The following ESR1 variants were observed in gnomAD, a reference collection of about 807,000 sequenced individuals.
ESR1 encodes the protein estrogen receptor 1.
Under a neutral mutation model 52.7 loss-of-function variants are expected in ESR1, and 12 were observed. That is an observed-to-expected ratio of 0.23 (90% CI 0.15 to 0.37). The LOEUF is 0.37. ESR1 is among the 10% of genes least tolerant of loss of function. The pLI is 1.00. For missense variants in ESR1, 584 were observed against 779.7 expected (o/e 0.75, Z 2.99); for synonymous variants, 305 against 316.8 (o/e 0.96, Z 0.39).
intron 6 of ESR1, among the ~76,000 whole-genome samples, chr6:152,091,243 A>G (rs770201968): frequency 3.3e-4 from 50 of 152,356 alleles, no homozygotes; most frequent in Non-Finnish European, 6.9e-4. Flanking sequence ...GGCAGCACAC[A>G]TGGACCACAT....
At chr6:152,016,186 G>A (rs2043156271) in intron 5 of ESR1, among the ~76,000 whole-genome samples, 1 of 152,108 alleles carries the variant, frequency 6.6e-6, no homozygotes, top group Non-Finnish European at 1.5e-5. Context: ...CTTCCGCCAT[G>A]ATTATGAGGC....
At chr6:152,122,286 A>G (rs991872515) in intron 6 of ESR1, 2 of 1,229,670 alleles carry the variant, frequency 1.6e-6, no homozygotes, top group East Asian at 4.7e-5. Flanking sequence ...CTGAAGCCAT[A>G]ATTTGCACAC....
Position 151,739,633 on chromosome 6 carries a change from G to A in ESR1, c.-71+37628G>A, listed in dbSNP as rs538686031. Among the ~76,000 whole-genome samples the A allele has an allele frequency of 1.8e-4, 27 of 152,254 alleles. No homozygotes were observed. The South Asian group carries it at 5.0e-3, about 28-fold the overall frequency. ...CCTTGACTGTCAAATGACAAGCAAG[G>A]GTATGCAGATGATAACCCCGAACCC... On this transcript the variant is annotated intron_variant, in intron 2 of 2. Coordinates refer to the ESR1 transcript ENST00000404742.
At chr6:151,902,206 G>A (rs898664690) in intron 3 of ESR1, among the ~76,000 whole-genome samples, 9 of 152,020 alleles carry the variant, frequency 5.9e-5, no homozygotes, top group Non-Finnish European at 1.5e-5. Context: ...CAAAAAATAG[G>A]ACCAAACTTC....
At chr6:152,062,779 G>A (rs752410825) in intron 6 of ESR1, among the ~76,000 whole-genome samples, 1 of 152,026 alleles carries the variant, frequency 6.6e-6, no homozygotes, top group Non-Finnish European at 1.5e-5. Context: ...TCCCCACCCC[G>A]AACTTTTACT....
intron 4 of ESR1, among the ~76,000 whole-genome samples, chr6:151,946,502 C>A (rs1054249264): frequency 6.6e-6 from 1 of 152,048 alleles, no homozygotes. Flanking sequence ...CACAGGCTAG[C>A]AATAGTTAAA....
chr6:151,781,458 T>C (rs1207954049), intron 2 of ESR1, among the ~76,000 whole-genome samples: 3 of 152,246 alleles, frequency 2.0e-5, no homozygotes, highest in African/African-American at 7.2e-5. Flanking sequence ...ACTGTTACAA[T>C]GGCAATTACA....
At chr6:152,025,055 TC>T (rs113533024) in intron 5 of ESR1, among the ~76,000 whole-genome samples, 59,204 of 151,406 alleles carry the variant, frequency 0.39, 13,738 homozygotes, top group African/African-American at 0.65. Flanking sequence ...ATTTCCTTAT[TC>T]TTGAATATTC....
intron 2 of ESR1, among the ~76,000 whole-genome samples, chr6:151,765,654 A>G (rs185294592): frequency 6.6e-6 from 1 of 152,326 alleles, no homozygotes; most frequent in Non-Finnish European, 1.5e-5. Flanking sequence ...TCCTAAAACT[A>G]CATGGAGGAG....
chr6:152,112,687 ACT>A (rs1450185183), intron 6 of ESR1: 1 of 152,040 alleles, frequency 6.6e-6, no homozygotes, highest in Non-Finnish European at 1.5e-5. Flanking sequence ...CCAGAACGAA[ACT>A]CTGCAGAGGG....
chr6:152,049,750 T>G (rs1047856899), intron 5 of ESR1, among the ~76,000 whole-genome samples: 1 of 152,134 alleles, frequency 6.6e-6, no homozygotes, highest in Non-Finnish European at 1.5e-5. Context: ...AGGGATGTGA[T>G]TAGAGGACCC....
At chr6:152,023,589 A>C (rs887143514) in intron 5 of ESR1, among the ~76,000 whole-genome samples, 3 of 152,240 alleles carry the variant, frequency 2.0e-5, no homozygotes, top group African/African-American at 4.8e-5. Flanking sequence ...TCTAAAAAAC[A>C]GTTCTTTTCT....
At chr6:152,017,007 T>C (rs1310654963) in intron 5 of ESR1, among the ~76,000 whole-genome samples, 1 of 152,144 alleles carries the variant, frequency 6.6e-6, no homozygotes, top group Non-Finnish European at 1.5e-5. Flanking sequence ...CTCTCAAATC[T>C]TTGCAAATCT....
intron 2 of ESR1, among the ~76,000 whole-genome samples, chr6:151,746,290 C>G (rs1224449190): frequency 6.6e-6 from 1 of 152,150 alleles, no homozygotes; most frequent in Non-Finnish European, 1.5e-5. Flanking sequence ...AATTTTTCAA[C>G]TTATCTTCTC....
intron 2 of ESR1, among the ~76,000 whole-genome samples, chr6:151,726,572 G>T (rs909362443): frequency 6.6e-6 from 1 of 152,056 alleles, no homozygotes; most frequent in African/African-American, 2.4e-5. Flanking sequence ...TCCTGATTTC[G>T]TGATCCAACC....
rs1269613753 is a variant in ESR1 at position 151,831,327 on chromosome 6, T to C, written c.453-11270T>C. On this transcript the variant is annotated intron_variant, in intron 1 of 7. Transcript: ENST00000206249. The stretch of plus-strand genomic sequence containing the variant: ...GCTAATGTTTAAATTTTTTGTAGAG[T>C]TGGGGTCTTGCTATGTTGCCCAGGC... 1.1e-4 allele frequency among the ~76,000 whole-genome samples: 17 copies of C among 151,792 alleles called. 1 individual carries two copies. The highest frequency in any genetic ancestry group is 4.4e-5 in the Non-Finnish European group (3 of 67,934).
chr6:151,996,523 C>CCT (rs1192597991), intron 4 of ESR1, among the ~76,000 whole-genome samples: 1 of 152,074 alleles, frequency 6.6e-6, no homozygotes, highest in Non-Finnish European at 1.5e-5. Flanking sequence ...TACCAATTTT[C>CCT]CTCTCCTCTG....
At chr6:151,769,046 G>A (rs1172537480) in intron 2 of ESR1, among the ~76,000 whole-genome samples, 1 of 152,136 alleles carries the variant, frequency 6.6e-6, no homozygotes, top group Admixed American at 6.6e-5. Context: ...TATGGATACT[G>A]CCTAGTAATG....
chr6:151,828,403 G>A (rs1036754203), intron 1 of ESR1, among the ~76,000 whole-genome samples: 4 of 152,190 alleles, frequency 2.6e-5, no homozygotes, highest in Non-Finnish European at 5.9e-5. Context: ...AAGAGAGGTA[G>A]CAGAGTGAAG....
Sources: gnomAD v4.1 joint callset for allele counts (sites outside exome capture counted in the v4.1 genomes callset) on GRCh38, gnomAD v4.1.1 for gene constraint, MANE v1.5 for transcripts, NCBI Gene and HGNC (gene_info 2026-07-23, HGNC 2026-07-21) for gene names.